ZNF131: variants seen among roughly 807,000 people sequenced by gnomAD.
ZNF131 encodes zinc finger protein 131.
A neutral mutation model predicts 60.0 loss-of-function variants in ZNF131; 7 were observed. The ratio of observed to expected loss-of-function variants is 0.12; its 90% CI spans 0.07 to 0.22. The LOEUF is 0.22. ZNF131 is among the 10% of genes least tolerant of loss of function. The pLI, the probability that ZNF131 is intolerant of heterozygous loss-of-function variation, is 1.00. For synonymous variants in ZNF131, 257 were observed against 253.2 expected, an observed-to-expected ratio of 1.01 and a Z score of -0.14; for missense variants, 493 against 740.9, an observed-to-expected ratio of 0.67 and a Z score of 3.88.
At chr5:43,144,237 CTTTTTTTTTTTTTTTTTTT>C (rs935655531) in intron 4 of ZNF131, among the ~76,000 whole-genome samples, 24 of 65,322 alleles carry the variant, frequency 3.7e-4, no homozygotes, top group East Asian at 1.4e-3. Flanking sequence ...TTCTTTCTTT[CTTTTTTTTTTTTTTTTTTT>C]TTTTTTTTTT....
chr5:43,144,276 A>C (rs1579794400), intron 4 of ZNF131, among the ~76,000 whole-genome samples: 1 of 72,136 alleles, frequency 1.4e-5, no homozygotes. Context: ...TTGGAGACAG[A>C]GCTTTGTGTT....
At chr5:43,143,897 G>GGTTTTT (rs1747186183) in intron 4 of ZNF131, among the ~76,000 whole-genome samples, 1 of 68,328 alleles carries the variant, frequency 1.5e-5, no homozygotes, top group Admixed American at 2.0e-4. Context: ...TATTGTCAGA[G>GGTTTTT]CTTTTTTTTT....
intron 3 of ZNF131, among the ~76,000 whole-genome samples, chr5:43,131,095 C>T (rs1745287906): frequency 6.8e-6 from 1 of 147,708 alleles, no homozygotes; most frequent in Non-Finnish European, 1.5e-5. Flanking sequence ...GAACTCCTGA[C>T]CTCAGGTGAT....
intron 4 of ZNF131, among the ~76,000 whole-genome samples, chr5:43,151,039 T>TGG (rs1554067216): frequency 6.6e-6 from 1 of 152,200 alleles, no homozygotes; most frequent in Non-Finnish European, 1.5e-5. Context: ...TTAGTCTAAG[T>TGG]ATAGCAAGAT....
At position 43,136,199 on chromosome 5, in the gene ZNF131, C is replaced by T. The variant is rs538055021; in HGVS notation, c.227-2966C>T. Among the ~76,000 whole-genome samples, 241 of 152,254 alleles carry T rather than the reference C, an allele frequency of 1.6e-3. 1 individual carries two copies. The highest frequency in any genetic ancestry group is 5.4e-3 in the African/African-American group (226 of 41,550). ...ATGCTTGTTGGAGCATTTTGGATTT[C>T]GGATTTTCAGATTTGGGATGCTCAA... On this transcript the variant is annotated intron_variant, in intron 3 of 6. Coordinates refer to ENST00000682664, the MANE Select transcript of ZNF131 (RefSeq NM_001330707.2).
At chr5:43,122,467 T>C (rs548761581) in intron 2 of ZNF131, among the ~76,000 whole-genome samples, 1 of 152,312 alleles carries the variant, frequency 6.6e-6, no homozygotes, top group Non-Finnish European at 1.5e-5. Flanking sequence ...GGGGACAGAT[T>C]GTCTCAAAAT....
intron 3 of ZNF131, among the ~76,000 whole-genome samples, chr5:43,137,567 G>A (rs1746281205): frequency 7.0e-6 from 1 of 143,020 alleles, no homozygotes; most frequent in Non-Finnish European, 1.5e-5. Flanking sequence ...CACCTTTCAG[G>A]ATGGCTATCA....
intron 3 of ZNF131, among the ~76,000 whole-genome samples, chr5:43,137,846 A>T (rs965123930): frequency 1.3e-5 from 2 of 152,240 alleles, no homozygotes; most frequent in African/African-American, 4.8e-5. Context: ...AGATTAATGG[A>T]TAAAGAAAAT....
At chr5:43,159,759 T>G (rs1021832759) in intron 4 of ZNF131, among the ~76,000 whole-genome samples, 1 of 152,140 alleles carries the variant, frequency 6.6e-6, no homozygotes, top group Non-Finnish European at 1.5e-5. Context: ...TATTTTCTTC[T>G]GGCCTGTGGC....
intron 5 of ZNF131, among the ~76,000 whole-genome samples, chr5:43,164,594 G>T (rs1022994651): frequency 1.3e-5 from 2 of 152,114 alleles, no homozygotes; most frequent in African/African-American, 4.8e-5. Flanking sequence ...GAAAGTAGCC[G>T]CAGTTACCTC....
chr5:43,127,991 A>T (rs1270020114), intron 3 of ZNF131, among the ~76,000 whole-genome samples: 2 of 152,244 alleles, frequency 1.3e-5, no homozygotes, highest in African/African-American at 4.8e-5. Flanking sequence ...GTACATGTTT[A>T]TACATCTTTT....
At chr5:43,129,559 C>T (rs991538173) in intron 3 of ZNF131, among the ~76,000 whole-genome samples, 2 of 152,314 alleles carry the variant, frequency 1.3e-5, no homozygotes, top group East Asian at 3.9e-4. Flanking sequence ...AGCAGCATAG[C>T]ATGTTAGTAT....
chr5:43,149,608 TGTCA>T (rs879752372), intron 4 of ZNF131, among the ~76,000 whole-genome samples: 8 of 152,222 alleles, frequency 5.3e-5, no homozygotes. Context: ...TCTAAGATAC[TGTCA>T]GTCTCTTTTT....
At chr5:43,146,642 C>G (rs1289773203) in intron 4 of ZNF131, among the ~76,000 whole-genome samples, 1 of 152,072 alleles carries the variant, frequency 6.6e-6, no homozygotes, top group Non-Finnish European at 1.5e-5. Flanking sequence ...CGCAGTGGTT[C>G]ATGCCTATAA....
chr5:43,163,464 C>T (rs180849262), intron 5 of ZNF131, among the ~76,000 whole-genome samples: 1 of 152,310 alleles, frequency 6.6e-6, no homozygotes, highest in East Asian at 1.9e-4. Context: ...ATGGAAATGT[C>T]CTGAGAAATC....
intron 5 of ZNF131, among the ~76,000 whole-genome samples, chr5:43,169,511 AGCGAGCAT>A (rs1454643886): frequency 2.6e-5 from 4 of 152,234 alleles, no homozygotes; most frequent in Non-Finnish European, 5.9e-5. Flanking sequence ...TGGGAAAACA[AGCGAGCAT>A]GCGGTAGTAC....
chr5:43,139,446 A>G, intron 4 of ZNF131, 137 bp downstream of exon 4: 1 of 964,130 alleles, frequency 1.0e-6, no homozygotes, highest in Non-Finnish European at 1.4e-6. Context: ...GGATCTATTA[A>G]AAAATTTTCT....
intron 5 of ZNF131, among the ~76,000 whole-genome samples, chr5:43,165,205 CTT>C (rs142657870): frequency 7.5e-4 from 103 of 137,612 alleles, no homozygotes; most frequent in Middle Eastern, 3.7e-3. Context: ...CCCTGTATTT[CTT>C]TTTTTTTTTT....
rs1751498673 is a variant in ZNF131, at chr5:43,175,691, A to T, written c.*558A>T. The T allele has an allele frequency of 2.8e-5, 9 of 322,460 alleles. No individual in the cohort carries two copies. Among genetic ancestry groups the T allele is most frequent in the Admixed American group, 5.3e-5 (1 of 19,000 alleles). 20.0% of individuals were successfully genotyped at this position (322,460 alleles called of 1,614,324 possible). On this transcript the variant is annotated 3_prime_UTR_variant, in exon 7 of 7. Transcript: ENST00000682664. ...CAGATGCCATCTTTGCAACAGAAAG[A>T]GTGGTGGTGGCAAAATTTCTAGAAT...
Sources: allele counts gnomAD v4.1 joint callset (sites outside exome capture counted in the v4.1 genomes callset), GRCh38; gene constraint gnomAD v4.1.1; transcripts MANE v1.5; gene names NCBI Gene and HGNC (gene_info 2026-07-23, HGNC 2026-07-21).